Variants in MGAT5 observed in about 807,000 individuals in gnomAD.
MGAT5 encodes the protein alpha-1,6-mannosylglycoprotein 6-beta-N-acetylglucosaminyltransferase A.
A neutral mutation model predicts 94.3 loss-of-function variants in MGAT5; 30 were observed. The observed-to-expected ratio is 0.32, with a 90% CI of 0.24 to 0.43. The LOEUF (loss-of-function observed/expected upper bound fraction) is 0.43, where lower values mean the gene tolerates loss of function less well. Among genes scored for constraint, MGAT5 ranks in the 20% least tolerant of loss-of-function variants. The pLI is 1.00. For synonymous variants in MGAT5, 310 were observed against 322.9 expected (o/e 0.96, Z 0.43); for missense variants, 691 against 905.5 (o/e 0.76, Z 3.04).
intron 1 of MGAT5, among the ~76,000 whole-genome samples, chr2:134,247,367 AAAAAAAAC>A (rs1166150147): frequency 3.4e-5 from 5 of 148,246 alleles, no homozygotes; most frequent in African/African-American, 1.3e-4. Context: ...ATTAAAAAAA[AAAAAAAAC>A]AAAAAAAAAA....
intron 2 of MGAT5, among the ~76,000 whole-genome samples, chr2:134,282,321 G>A (rs1396140016): frequency 2.0e-5 from 3 of 152,196 alleles, no homozygotes; most frequent in Admixed American, 6.5e-5. Flanking sequence ...CCAGGCACCT[G>A]GGGATTAATT....
intron 1 of MGAT5, among the ~76,000 whole-genome samples, chr2:134,170,340 C>T (rs1003981597): frequency 2.6e-5 from 4 of 152,166 alleles, no homozygotes; most frequent in African/African-American, 4.8e-5. Flanking sequence ...GGGTCACTGG[C>T]GTGGAATCAA....
At chr2:134,191,732 C>T (rs1165439294) in intron 1 of MGAT5, among the ~76,000 whole-genome samples, 1 of 146,326 alleles carries the variant, frequency 6.8e-6, no homozygotes, top group Non-Finnish European at 1.5e-5. Flanking sequence ...GGGTTCGCGC[C>T]CTCCTCCTCC....
At chr2:134,130,029 G>A (rs898422306) in intron 1 of MGAT5, among the ~76,000 whole-genome samples, 6 of 152,162 alleles carry the variant, frequency 3.9e-5, no homozygotes, top group African/African-American at 1.2e-4. Context: ...CCCCGCACTC[G>A]GAGCGGCCGG....
At chr2:134,317,426 C>G in intron 2 of MGAT5, 103 bp from the exon 3 acceptor site, 1 of 698,720 alleles carries the variant, frequency 1.4e-6, no homozygotes, top group South Asian at 2.2e-5. Context: ...CCAACAGAGA[C>G]CTTTCTTTTT....
intron 1 of MGAT5, among the ~76,000 whole-genome samples, chr2:134,201,035 C>T (rs1034598841): frequency 6.6e-6 from 1 of 152,038 alleles, no homozygotes; most frequent in Non-Finnish European, 1.5e-5. Context: ...CTGCCTCAGC[C>T]TCCTGAGTAG....
intron 4 of MGAT5, among the ~76,000 whole-genome samples, chr2:134,335,958 G>A (rs1389442051): frequency 2.0e-5 from 3 of 152,150 alleles, no homozygotes; most frequent in Non-Finnish European, 4.4e-5. Flanking sequence ...AATGACTAAG[G>A]AATTAATTGC....
intron 1 of MGAT5, among the ~76,000 whole-genome samples, chr2:134,171,766 A>G (rs947567667): frequency 2.9e-4 from 44 of 152,276 alleles, no homozygotes; most frequent in African/African-American, 9.9e-4. Flanking sequence ...TAAAGTGGAC[A>G]TTGGAGGAGG....
intron 11 of MGAT5, among the ~76,000 whole-genome samples, chr2:134,403,490 T>C (rs1296248000): frequency 6.6e-6 from 1 of 152,214 alleles, no homozygotes; most frequent in Non-Finnish European, 1.5e-5. Flanking sequence ...TGCTGAACTC[T>C]TCCCCCAACC....
chr2:134,412,997 C>T lies in MGAT5; in HGVS notation c.1659C>T (p.Gly553=). Residue 553 remains glycine (G), a synonymous_variant, in exon 12 of 16, where the codon GGC becomes GGT. Transcript: ENST00000281923. ...GCAAAAACACAGACTTTTTCATTGG[C>T]AAGCCAACTCTGAGAGAGGTAAGCA... ...KSSKNTDFFI[G]KPTLRELTSQ... is the part of the protein sequence containing the mutation. 1 of 1,614,116 alleles carries T rather than the reference C, an allele frequency of 6.2e-7. No individual in the cohort carries two copies. Among genetic ancestry groups the T allele is most frequent in the Non-Finnish European group, 8.5e-7 (1 of 1,179,994 alleles).
intron 2 of MGAT5, among the ~76,000 whole-genome samples, chr2:134,304,969 C>G (rs1426733976): frequency 6.6e-6 from 1 of 152,168 alleles, no homozygotes; most frequent in Non-Finnish European, 1.5e-5. Flanking sequence ...TTTCATATCA[C>G]TCTGGATCAG....
intron 4 of MGAT5, among the ~76,000 whole-genome samples, chr2:134,322,118 A>G (rs1255352361): frequency 1.3e-5 from 2 of 152,220 alleles, no homozygotes; most frequent in Admixed American, 1.3e-4. Context: ...AATAATAGGA[A>G]TGTACTTAGA....
chr2:134,194,440 T>G (rs1236886162), intron 1 of MGAT5, among the ~76,000 whole-genome samples: 1 of 152,196 alleles, frequency 6.6e-6, no homozygotes, highest in Non-Finnish European at 1.5e-5. Context: ...TTATTCTTAC[T>G]ACAACCTTGG....
intron 1 of MGAT5, among the ~76,000 whole-genome samples, chr2:134,159,320 T>A (rs1339017975): frequency 1.3e-5 from 2 of 151,978 alleles, no homozygotes; most frequent in East Asian, 3.9e-4. Context: ...TTTCTTCCCT[T>A]CTCTTTGCTT....
intron 1 of MGAT5, among the ~76,000 whole-genome samples, chr2:134,163,037 T>G (rs1687808645): frequency 6.6e-6 from 1 of 152,168 alleles, no homozygotes; most frequent in African/African-American, 2.4e-5. Context: ...GAAATACTCT[T>G]CAGAGACACC....
At chr2:134,406,711 C>A (rs1282917018) in intron 11 of MGAT5, among the ~76,000 whole-genome samples, 1 of 151,642 alleles carries the variant, frequency 6.6e-6, no homozygotes, top group African/African-American at 2.4e-5. Context: ...ATGGCAAAAC[C>A]CCATTTCTAC....
chr2:134,261,509 C>A (rs1319888746), intron 1 of MGAT5, among the ~76,000 whole-genome samples: 2 of 152,148 alleles, frequency 1.3e-5, no homozygotes, highest in African/African-American at 4.8e-5. Flanking sequence ...CTCCCCCACC[C>A]CTTCCTCTCT....
At chr2:134,259,549 G>C (rs1360671792) in intron 1 of MGAT5, among the ~76,000 whole-genome samples, 1 of 152,174 alleles carries the variant, frequency 6.6e-6, no homozygotes, top group Non-Finnish European at 1.5e-5. Flanking sequence ...TCCTAGAAAA[G>C]CTGCCAGCTC....
intron 1 of MGAT5, among the ~76,000 whole-genome samples, chr2:134,247,207 T>C (rs996134065): frequency 6.6e-6 from 1 of 152,136 alleles, no homozygotes; most frequent in Non-Finnish European, 1.5e-5. Context: ...AGTTGAATTA[T>C]TAACATCTAA....
Sources: allele counts gnomAD v4.1 joint callset (sites outside exome capture counted in the v4.1 genomes callset), GRCh38; gene constraint gnomAD v4.1.1; transcripts MANE v1.5; gene names NCBI Gene and HGNC (gene_info 2026-07-23, HGNC 2026-07-21).